The following EPB41L5 variants were observed in gnomAD, a reference collection of about 807,000 sequenced individuals.
EPB41L5 encodes the protein erythrocyte membrane protein band 4.1 like 5, also known as band 4.1-like protein 5.
A neutral mutation model predicts 106.6 loss-of-function variants in EPB41L5; 55 were observed. The observed-to-expected ratio is 0.52, with a 90% CI of 0.42 to 0.65. The LOEUF is 0.65. EPB41L5 is among the 30% of genes least tolerant of loss of function. The pLI, the probability that EPB41L5 is intolerant of heterozygous loss-of-function variation, is 0.00. For missense variants in EPB41L5, 871 were observed against 882.1 expected (o/e 0.99, Z 0.16); for synonymous variants, 297 against 306.7 (o/e 0.97, Z 0.33).
At chr2:120,031,912 G>C (rs1678736641) in intron 2 of EPB41L5, among the ~76,000 whole-genome samples, 1 of 152,070 alleles carries the variant, frequency 6.6e-6, no homozygotes, top group African/African-American at 2.4e-5. Context: ...GGGGTAGGAG[G>C]ATTGCTTGAG....
At chr2:120,021,875 T>C (rs1677953991) in intron 2 of EPB41L5, among the ~76,000 whole-genome samples, 1 of 152,196 alleles carries the variant, frequency 6.6e-6, no homozygotes, top group African/African-American at 2.4e-5. Flanking sequence ...TTAGAATTGA[T>C]TTTAGAAATT....
At chr2:120,094,714 A>G (rs1453705418) in intron 14 of EPB41L5, among the ~76,000 whole-genome samples, 2 of 152,088 alleles carry the variant, frequency 1.3e-5, no homozygotes, top group Non-Finnish European at 2.9e-5. Flanking sequence ...ATTTCCTTTC[A>G]AGCACTGCTT....
chr2:120,140,231 T>C (rs1009544834), intron 18 of EPB41L5, among the ~76,000 whole-genome samples: 1 of 151,966 alleles, frequency 6.6e-6, no homozygotes, highest in Non-Finnish European at 1.5e-5. Context: ...GGGTAAGAGA[T>C]AGCATTTGAT....
chr2:120,060,041 A>G (rs761255556), intron 3 of EPB41L5, among the ~76,000 whole-genome samples: 3 of 152,242 alleles, frequency 2.0e-5, no homozygotes, highest in Admixed American at 6.5e-5. Context: ...GGAAGTGCCA[A>G]TTAAGACCTC....
At chr2:120,126,897 CTG>C (rs1215815031) in intron 16 of EPB41L5, among the ~76,000 whole-genome samples, 2 of 152,196 alleles carry the variant, frequency 1.3e-5, no homozygotes, top group Non-Finnish European at 2.9e-5. Context: ...GTGTTCCAAT[CTG>C]TGAACATTAA....
chr2:120,093,383 A>T, intron 14 of EPB41L5, 107 bp downstream of exon 14: 2 of 898,228 alleles, frequency 2.2e-6, no homozygotes, highest in South Asian at 2.7e-5. Flanking sequence ...GTTGTCCGTA[A>T]AGCACCAGGG....
intron 18 of EPB41L5, among the ~76,000 whole-genome samples, chr2:120,136,791 A>G (rs1321531139): frequency 6.6e-6 from 1 of 152,096 alleles, no homozygotes; most frequent in East Asian, 1.9e-4. Context: ...CCTCGGTACA[A>G]TTCTAGCTGG....
chr2:120,133,464 G>A (rs1238432176), intron 18 of EPB41L5, among the ~76,000 whole-genome samples: 1 of 152,124 alleles, frequency 6.6e-6, no homozygotes, highest in Non-Finnish European at 1.5e-5. Flanking sequence ...AGTGACTATG[G>A]CACTTTGTAT....
chr2:120,040,427 A>G (rs1255370941), intron 2 of EPB41L5, among the ~76,000 whole-genome samples: 3 of 152,204 alleles, frequency 2.0e-5, no homozygotes, highest in Non-Finnish European at 4.4e-5. Context: ...GAAAGTATTG[A>G]AAGAAACTGT....
At chr2:120,098,156 TTGTGTGTGTGTGTG>T (rs60975047) in intron 14 of EPB41L5, among the ~76,000 whole-genome samples, 2 of 133,670 alleles carry the variant, frequency 1.5e-5, no homozygotes, top group Non-Finnish European at 3.1e-5. Context: ...ATTGTTTGTT[TTGTGTGTGTGTGTG>T]TGTGTGTGTG....
At chr2:120,062,707 A>G (rs972440699) in intron 3 of EPB41L5, among the ~76,000 whole-genome samples, 2 of 152,234 alleles carry the variant, frequency 1.3e-5, no homozygotes, top group African/African-American at 4.8e-5. Context: ...GATCTAATTC[A>G]TTTTATTTGT....
intron 17 of EPB41L5, among the ~76,000 whole-genome samples, chr2:120,129,018 C>T (rs1350514690): frequency 6.6e-6 from 1 of 152,062 alleles, no homozygotes; most frequent in Non-Finnish European, 1.5e-5. Context: ...ACATTAGACA[C>T]TGAGGATTCC....
At position 120,176,154 on chromosome 2, in the gene EPB41L5, A is replaced by G. The variant is rs1332980799; in HGVS notation, c.*1247A>G. The G allele has an allele frequency of 6.6e-6, 1 of 152,634 alleles. No homozygotes were observed. The highest frequency in any genetic ancestry group is 1.5e-5 in the Non-Finnish European group (1 of 68,032). The allele number at this position is 152,634 out of a possible 1,614,324, so 9.5% of individuals were successfully genotyped here. On this transcript the variant is annotated 3_prime_UTR_variant, in exon 25 of 25. Coordinates refer to ENST00000263713, the MANE Select transcript of EPB41L5 (RefSeq NM_020909.4). ...AATTCTAATACCCAGAAATAACGCT[A>G]TTTAGCTTTATAATTTTCGAATGAA...
chr2:120,173,796 C>T (rs1687801963), intron 24 of EPB41L5, among the ~76,000 whole-genome samples: 1 of 152,314 alleles, frequency 6.6e-6, no homozygotes, highest in African/African-American at 2.4e-5. Flanking sequence ...AACCCTCCTG[C>T]CTCAGCTTCC....
intron 3 of EPB41L5, among the ~76,000 whole-genome samples, chr2:120,061,031 G>GGTTTTTTTTTTT (rs1681008592): frequency 1.4e-5 from 1 of 69,100 alleles, no homozygotes; most frequent in Non-Finnish European, 2.5e-5. Context: ...GTTCAGGGAA[G>GGTTTTTTTTTTT]TTTTTTTTTT....
At chr2:120,096,386 A>G (rs1332041378) in intron 14 of EPB41L5, among the ~76,000 whole-genome samples, 1 of 152,230 alleles carries the variant, frequency 6.6e-6, no homozygotes, top group Admixed American at 6.5e-5. Context: ...AATTTCTGTG[A>G]AACTCTCTCC....
At chr2:120,035,378 C>T (rs1312196215) in intron 2 of EPB41L5, among the ~76,000 whole-genome samples, 1 of 152,174 alleles carries the variant, frequency 6.6e-6, no homozygotes, top group Non-Finnish European at 1.5e-5. Flanking sequence ...GGATTGTAGG[C>T]ATGAGCCACC....
At chr2:120,174,818 A>T (rs757388214) in intron 24 of EPB41L5, 23 bp from the exon 25 acceptor site, 2 of 1,612,930 alleles carry the variant, frequency 1.2e-6, no homozygotes, top group South Asian at 2.2e-5. Flanking sequence ...TTCCCTGAGT[A>T]ACCCATTCTC....
chr2:120,058,689 G>C (rs558809124), intron 3 of EPB41L5, among the ~76,000 whole-genome samples: 1 of 152,288 alleles, frequency 6.6e-6, no homozygotes, highest in East Asian at 1.9e-4. Flanking sequence ...TGTTGTACCA[G>C]CATTGCTGGA....
Sources: allele counts gnomAD v4.1 joint callset (sites outside exome capture counted in the v4.1 genomes callset), GRCh38; gene constraint gnomAD v4.1.1; transcripts MANE v1.5; gene names NCBI Gene and HGNC (gene_info 2026-07-23, HGNC 2026-07-21).